Variants in RYR2 observed in about 807,000 individuals in gnomAD.
RYR2 encodes cardiac muscle ryanodine receptor-calcium release channel.
In RYR2, 227 loss-of-function variants were observed where a neutral mutation model predicts 601.1. The observed-to-expected ratio is 0.38, with a 90% CI of 0.34 to 0.42. The LOEUF is 0.42. RYR2 is among the 10% of genes least tolerant of loss of function. The pLI is 1.00. For missense variants in RYR2, 4,646 were observed against 6,156.5 expected, an observed-to-expected ratio of 0.75 and a Z score of 8.21; for synonymous variants, 2,223 against 2,175.1, an observed-to-expected ratio of 1.02 and a Z score of -0.61.
chr1:237,816,621 G>A (rs571347754), intron 100 of RYR2, among the ~76,000 whole-genome samples: 18 of 152,030 alleles, frequency 1.2e-4, no homozygotes, highest in Admixed American at 3.9e-4. Flanking sequence ...CCCAGGAGGC[G>A]GAGGTTGCAG....
At chr1:237,781,515 T>C in intron 88 of RYR2, 50 bp from the exon 89 acceptor site, 2 of 884,298 alleles carry the variant, frequency 2.3e-6, no homozygotes, top group East Asian at 2.6e-5. Flanking sequence ...ATGATGTTCC[T>C]GCTGCATAGT....
chr1:237,308,772 C>A (rs12729784), intron 2 of RYR2, among the ~76,000 whole-genome samples: 1 of 151,922 alleles, frequency 6.6e-6, no homozygotes, highest in Non-Finnish European at 1.5e-5. Context: ...GCTTCTACAC[C>A]GTGGAAAGGG....
At chr1:237,602,688 A>G (rs1053622618) in intron 35 of RYR2, among the ~76,000 whole-genome samples, 5 of 152,218 alleles carry the variant, frequency 3.3e-5, no homozygotes, top group African/African-American at 1.2e-4. Flanking sequence ...GATGCCTTCC[A>G]GAATGTGGCT....
chr1:237,497,359 A>G (rs961543310), intron 20 of RYR2, among the ~76,000 whole-genome samples: 1 of 152,210 alleles, frequency 6.6e-6, no homozygotes, highest in South Asian at 2.1e-4. Context: ...ATGGTTGAGT[A>G]TATATTAAAA....
At chr1:237,483,839 A>C (rs1457192906) in intron 17 of RYR2, among the ~76,000 whole-genome samples, 1 of 152,318 alleles carries the variant, frequency 6.6e-6, no homozygotes, top group East Asian at 1.9e-4. Flanking sequence ...TATTAATAAA[A>C]AGGTTCTGAC....
chr1:237,299,358 A>G (rs570555190), intron 2 of RYR2, among the ~76,000 whole-genome samples: 1 of 152,292 alleles, frequency 6.6e-6, no homozygotes, highest in African/African-American at 2.4e-5. Context: ...AACTGACCCT[A>G]TTTGAATACG....
At chr1:237,813,743 A>G (rs1168089007) in intron 100 of RYR2, among the ~76,000 whole-genome samples, 3 of 152,218 alleles carry the variant, frequency 2.0e-5, no homozygotes, top group East Asian at 1.9e-4. Context: ...GGACTTAGCT[A>G]GAGCCTAGAT....
At chr1:237,680,643 T>C (rs1448416740) in intron 62 of RYR2, 66 bp downstream of exon 62, 18 of 1,306,872 alleles carry the variant, frequency 1.4e-5, no homozygotes, top group Non-Finnish European at 2.1e-6. Flanking sequence ...AAAGAAAACC[T>C]GAGGACCTTG....
chr1:237,729,426 C>G (rs1321360387), intron 76 of RYR2, among the ~76,000 whole-genome samples: 1 of 152,130 alleles, frequency 6.6e-6, no homozygotes, highest in Non-Finnish European at 1.5e-5. Flanking sequence ...TCTAGCAGTT[C>G]CGGCTGCGTT....
rs763136948 is a variant in RYR2 at position 237,708,938 on chromosome 1, A to G, written c.9982A>G (p.Lys3328Glu). ...HFLPLMEKLK[K>E]KAATVVSEED... is the part of the protein sequence containing the mutation. ...CTTGCCGTTAATGGAGAAACTCAAG[A>G]AAAAGGCAGCTACGGTGGTGTCTGA... Residue 3328 changes from lysine to glutamate, a missense_variant, in exon 69 of 105, where the codon AAA becomes GAA. Coordinates refer to ENST00000366574, the MANE Select transcript of RYR2 (RefSeq NM_001035.3). 2 of 1,612,988 alleles carry G rather than the reference A, an allele frequency of 1.2e-6. No individual in the cohort carries two copies. The highest frequency in any genetic ancestry group is 1.1e-5 in the South Asian group (1 of 91,006).
Position 237,702,067 on chromosome 1 carries a change from T to C in RYR2, c.9449+8T>C. 6.6e-7 allele frequency: 1 copy of C among 1,517,468 alleles called. No homozygotes were observed. The highest frequency in any genetic ancestry group is 9.1e-7 in the Non-Finnish European group (1 of 1,093,740). 94.0% of individuals were successfully genotyped at this position (1,517,468 alleles called of 1,614,324 possible). A position where few individuals can be genotyped will look rare whatever the true frequency, so the allele number is the denominator to read the frequency against. ...GAGTATTTACGTGGAGAGGTAAGAA[T>C]GTTTAAAGTTTAACTTTGTATTAAT... On this transcript the variant is annotated splice_region_variant and intron_variant, in intron 66 of 104. Coordinates refer to ENST00000366574, the MANE Select transcript of RYR2 (RefSeq NM_001035.3).
At chr1:237,583,915 G>C (rs1674213571) in intron 29 of RYR2, among the ~76,000 whole-genome samples, 1 of 152,172 alleles carries the variant, frequency 6.6e-6, no homozygotes, top group African/African-American at 2.4e-5. Context: ...GAAGCCATCT[G>C]TCTTTTGTTG....
chr1:237,697,614 C>A (rs1558240393), intron 63 of RYR2, among the ~76,000 whole-genome samples: 1 of 127,324 alleles, frequency 7.9e-6, no homozygotes, highest in Non-Finnish European at 1.7e-5. Flanking sequence ...TTTTTTTTTG[C>A]TTACTGATTC....
chr1:237,435,794 C>T (rs1342213915), intron 12 of RYR2, among the ~76,000 whole-genome samples: 3 of 152,084 alleles, frequency 2.0e-5, no homozygotes, highest in South Asian at 2.1e-4. Flanking sequence ...AACATTGTGA[C>T]GAATTAGAGT....
chr1:237,057,866 C>A (rs1412847311), intron 1 of RYR2, among the ~76,000 whole-genome samples: 1 of 152,220 alleles, frequency 6.6e-6, no homozygotes, highest in Admixed American at 6.5e-5. Flanking sequence ...TACCTAATTA[C>A]TGCTTTTCTT....
chr1:237,583,950 G>T (rs1466556024), intron 29 of RYR2, among the ~76,000 whole-genome samples: 2 of 152,332 alleles, frequency 1.3e-5, no homozygotes, highest in East Asian at 3.9e-4. Context: ...GCCATAAGTT[G>T]TAGCTACTGT....
intron 71 of RYR2, among the ~76,000 whole-genome samples, chr1:237,712,858 A>G (rs954466316): frequency 2.0e-5 from 3 of 152,342 alleles, no homozygotes; most frequent in Non-Finnish European, 4.4e-5. Flanking sequence ...AAATAAATAT[A>G]TTACATGTGG....
rs577176648 is a variant in RYR2 at position 237,246,800 on chromosome 1, C to T, written c.49-23697C>T. Among the ~76,000 whole-genome samples, 3 of 152,152 alleles carry T rather than the reference C, an allele frequency of 2.0e-5. No individual in the cohort carries two copies. The South Asian group carries it at 6.2e-4, about 32-fold the overall frequency. On this transcript the variant is annotated intron_variant, in intron 1 of 104. Coordinates refer to ENST00000366574, the MANE Select transcript of RYR2 (RefSeq NM_001035.3). ...TATTATATTTGATTGGAATTTTGCT[C>T]AGAAATAAGATTTGTTTCTGATGAT...
intron 71 of RYR2, among the ~76,000 whole-genome samples, chr1:237,714,596 CTG>C (rs1220801907): frequency 2.0e-5 from 3 of 152,062 alleles, no homozygotes; most frequent in Non-Finnish European, 4.4e-5. Context: ...AAGCTATTTT[CTG>C]TGAAATTGTT....
Sources: allele counts gnomAD v4.1 joint callset (sites outside exome capture counted in the v4.1 genomes callset), GRCh38; gene constraint gnomAD v4.1.1; transcripts MANE v1.5; gene names NCBI Gene and HGNC (gene_info 2026-07-23, HGNC 2026-07-21).